The following CTTNBP2NL variants were observed in gnomAD, a reference collection of about 807,000 sequenced individuals.
CTTNBP2NL encodes CTTNBP2 N-terminal-like protein.
Under a neutral mutation model 32.5 loss-of-function variants are expected in CTTNBP2NL, and 16 were observed. The observed-to-expected ratio is 0.49, with a 90% CI of 0.33 to 0.75. The LOEUF is 0.75. CTTNBP2NL is among the 30% of genes least tolerant of loss of function. The probability of loss-of-function intolerance (pLI) is 0.02; values close to 1 mark genes in which losing one functional copy is unlikely to be tolerated. For missense variants in CTTNBP2NL, 645 were observed against 756.0 expected, an observed-to-expected ratio of 0.85 and a Z score of 1.72; for synonymous variants, 298 against 289.4, an observed-to-expected ratio of 1.03 and a Z score of -0.30.
At chr1:112,398,264 C>T (rs1235390265) in intron 1 of CTTNBP2NL, among the ~76,000 whole-genome samples, 2 of 152,174 alleles carry the variant, frequency 1.3e-5, no homozygotes, top group Non-Finnish European at 2.9e-5. Context: ...GTTTGTTACA[C>T]TTTTGGGTCT....
At chr1:112,403,119 T>G (rs1648554046) in intron 1 of CTTNBP2NL, among the ~76,000 whole-genome samples, 1 of 152,212 alleles carries the variant, frequency 6.6e-6, no homozygotes, top group South Asian at 2.1e-4. Context: ...ATGTCTCTTT[T>G]GTCAGTCTCT....
At chr1:112,410,527 A>C (rs561797902) in intron 1 of CTTNBP2NL, among the ~76,000 whole-genome samples, 5 of 152,284 alleles carry the variant, frequency 3.3e-5, no homozygotes, top group African/African-American at 1.2e-4. Context: ...TATTGAGAAA[A>C]CTATAAAGCT....
chr1:112,411,939 G>A (rs935926384), intron 1 of CTTNBP2NL, among the ~76,000 whole-genome samples: 2 of 152,190 alleles, frequency 1.3e-5, no homozygotes, highest in Admixed American at 1.3e-4. Flanking sequence ...TAAAATGGCA[G>A]TGGACATCTT....
chr1:112,447,305 T>G (rs945724001), intron 3 of CTTNBP2NL, among the ~76,000 whole-genome samples: 9 of 149,898 alleles, frequency 6.0e-5, no homozygotes, highest in African/African-American at 9.8e-5. Flanking sequence ...AAAGTAGAGT[T>G]TCATCTTAGA....
At chr1:112,446,436 T>G (rs1455139313) in intron 3 of CTTNBP2NL, among the ~76,000 whole-genome samples, 1 of 152,232 alleles carries the variant, frequency 6.6e-6, no homozygotes, top group Non-Finnish European at 1.5e-5. Flanking sequence ...TTTCAGGTTT[T>G]TATAGCTGAA....
rs780913783 is a variant in CTTNBP2NL at position 112,457,037 on chromosome 1, A to T, written c.1545A>T (p.Gln515His). The change falls in exon 6 of 6, where the codon CAA (glutamine) becomes CAT (histidine). Residue 515 changes from glutamine to histidine, a missense_variant. Transcript: ENST00000271277. The part of the protein sequence containing the change: ...VTQVLSRFTS[Q>H]QGPIKPVSPN... ...AGGTGCTCTCCAGATTCACTAGCCA[A>T]CAAGGGCCAATCAAGCCAGTCTCTC... 14 of 1,614,002 alleles carry T rather than the reference A, an allele frequency of 8.7e-6. No individual in the cohort carries two copies. The South Asian group carries it at 1.4e-4, about 16-fold the overall frequency.
chr1:112,427,115 C>T (rs1278234134), intron 3 of CTTNBP2NL, among the ~76,000 whole-genome samples: 27 of 152,026 alleles, frequency 1.8e-4, no homozygotes, highest in Non-Finnish European at 8.8e-5. Context: ...ATATTATTAC[C>T]CCTTTCCCAG....
At chr1:112,446,814 T>C (rs1453357597) in intron 3 of CTTNBP2NL, among the ~76,000 whole-genome samples, 2 of 152,148 alleles carry the variant, frequency 1.3e-5, no homozygotes, top group African/African-American at 4.8e-5. Context: ...CCTCCCAAAG[T>C]GCTGGGATTA....
At chr1:112,422,247 AT>A (rs773840052) in intron 3 of CTTNBP2NL, among the ~76,000 whole-genome samples, 37 of 151,864 alleles carry the variant, frequency 2.4e-4, no homozygotes, top group Non-Finnish European at 4.4e-4. Flanking sequence ...AATATACTCT[AT>A]TTTTTCCTGG....
At chr1:112,437,656 T>C (rs539597222) in intron 3 of CTTNBP2NL, among the ~76,000 whole-genome samples, 1 of 152,272 alleles carries the variant, frequency 6.6e-6, no homozygotes, top group Admixed American at 6.5e-5. Flanking sequence ...CCCAAGTAGC[T>C]GGGACTACAG....
At chr1:112,449,195 G>A in intron 4 of CTTNBP2NL, 23 bp downstream of exon 4, 1 of 1,363,198 alleles carries the variant, frequency 7.3e-7, no homozygotes, top group Non-Finnish European at 1.0e-6. Flanking sequence ...CAGTTGATGT[G>A]TAAATCTTTG....
chr1:112,395,485 C>T (rs1648291220), upstream of CTTNBP2NL, among the ~76,000 whole-genome samples: 1 of 152,168 alleles, frequency 6.6e-6, no homozygotes, highest in African/African-American at 2.4e-5. Flanking sequence ...AACACCATTC[C>T]CCACAATATA....
At chr1:112,391,398 C>T (rs1165251750), upstream of CTTNBP2NL, among the ~76,000 whole-genome samples, 1 of 152,218 alleles carries the variant, frequency 6.6e-6, no homozygotes, top group South Asian at 2.1e-4. Context: ...ACTCAGCACT[C>T]AGCATCTTAA....
chr1:112,442,364 C>G (rs1282010779), intron 3 of CTTNBP2NL, among the ~76,000 whole-genome samples: 1 of 152,200 alleles, frequency 6.6e-6, no homozygotes, highest in Non-Finnish European at 1.5e-5. Flanking sequence ...TTCAGGTGAT[C>G]TTCCCGCCTC....
intron 1 of CTTNBP2NL, among the ~76,000 whole-genome samples, chr1:112,399,804 C>T (rs1404508592): frequency 1.3e-5 from 2 of 152,140 alleles, no homozygotes; most frequent in African/African-American, 2.4e-5. Context: ...CATGGTGGCT[C>T]ACACCTGTAA....
At chr1:112,440,438 C>G (rs944863017) in intron 3 of CTTNBP2NL, among the ~76,000 whole-genome samples, 7 of 152,138 alleles carry the variant, frequency 4.6e-5, no homozygotes, top group Non-Finnish European at 8.8e-5. Flanking sequence ...ATTCTTCATT[C>G]CATTCTAGTG....
At chr1:112,427,333 T>C (rs559197188) in intron 3 of CTTNBP2NL, among the ~76,000 whole-genome samples, 2 of 152,340 alleles carry the variant, frequency 1.3e-5, no homozygotes, top group East Asian at 3.9e-4. Flanking sequence ...ACATCCCCTA[T>C]ATTCTGAATG....
chr1:112,427,128 A>G (rs1649428623), intron 3 of CTTNBP2NL, among the ~76,000 whole-genome samples: 1 of 152,230 alleles, frequency 6.6e-6, no homozygotes, highest in African/African-American at 2.4e-5. Context: ...TTTCCCAGGA[A>G]TAACAGAAAT....
At chr1:112,409,241 A>G (rs1648783842) in intron 1 of CTTNBP2NL, among the ~76,000 whole-genome samples, 1 of 152,138 alleles carries the variant, frequency 6.6e-6, no homozygotes. Context: ...TCACTGAATG[A>G]CCTTAATCTG....
Sources: gnomAD v4.1 joint callset for allele counts (sites outside exome capture counted in the v4.1 genomes callset) on GRCh38, gnomAD v4.1.1 for gene constraint, MANE v1.5 for transcripts, NCBI Gene and HGNC (gene_info 2026-07-23, HGNC 2026-07-21) for gene names.